Variants in DST observed in about 807,000 individuals in gnomAD.
DST encodes the protein bullous pemphigoid antigen.
Under a neutral mutation model 875.2 loss-of-function variants are expected in DST, and 253 were observed. The observed-to-expected ratio is 0.29, with a 90% confidence interval of 0.26 to 0.32. The LOEUF is 0.32. Among genes scored for constraint, DST ranks in the 10% least tolerant of loss-of-function variants. The pLI, the probability that DST is intolerant of heterozygous loss-of-function variation, is 1.00. For missense variants in DST, 8,287 were observed against 9,111.6 expected, an observed-to-expected ratio of 0.91 and a Z score of 3.68; for synonymous variants, 3,124 against 3,197.1, an observed-to-expected ratio of 0.98 and a Z score of 0.77.
At chr6:56,516,059 TA>T (rs2096579143) in intron 71 of DST, among the ~76,000 whole-genome samples, 1 of 151,738 alleles carries the variant, frequency 6.6e-6, no homozygotes, top group African/African-American at 2.4e-5. Context: ...ATTATATATA[TA>T]CACACACACA....
intron 5 of DST, among the ~76,000 whole-genome samples, chr6:56,708,775 T>C (rs1195530388): frequency 1.3e-5 from 2 of 152,124 alleles, no homozygotes; most frequent in African/African-American, 4.8e-5. Context: ...GGGGTTCCAA[T>C]CTGATCGAGC....
chr6:56,497,133 G>A lies in DST; in HGVS notation c.20223+246C>T, dbSNP rs575058902. On this transcript the variant is annotated intron_variant, in intron 82 of 103. Transcript: ENST00000680361. ...TACATATGTAACTAACCTGCACATT[G>A]TGCACATGTACCCTAAAACTTAAAG... Among the ~76,000 whole-genome samples the A allele has an allele frequency of 3.3e-5, 5 of 151,974 alleles. No homozygotes were observed. In the East Asian group the frequency reaches 9.7e-4, roughly 29 times the overall value.
rs16888007 is a variant in DST at position 56,572,438 on chromosome 6, A to C, written c.13555-172T>G. ...ATAAACATGCATATAGGCTATTTGA[A>C]AGGGAACACAGTAAACCTTATTTAA... On this transcript the variant is annotated intron_variant, in intron 52 of 103. Transcript: ENST00000680361. 0.059 allele frequency among the ~76,000 whole-genome samples: 8,983 copies of C among 152,238 alleles called. 907 individuals are homozygous for C. Among genetic ancestry groups the C allele is most frequent in the African/African-American group, 0.2 (8,429 of 41,502 alleles).
chr6:56,460,226 CGAAG>C lies in DST; in HGVS notation c.23095_23098del (p.Leu7699AspfsTer19). The C allele has an allele frequency of 6.2e-7, 1 of 1,613,934 alleles. No individual in the cohort carries two copies. The highest frequency in any genetic ancestry group is 8.5e-7 in the Non-Finnish European group (1 of 1,179,862). ...TTTCCCTGATAAATATCCTGGAAGT[CGAAG>C]CTTGCTTCCTTGTATTGGCGTTCCC... On this transcript the variant is annotated frameshift_variant, in exon 103 of 104. Coordinates refer to ENST00000680361, the MANE Select transcript of DST (RefSeq NM_001374736.1). LOFTEE classifies it high-confidence loss of function.
At chr6:56,528,476 G>A (rs773166503) in intron 67 of DST, among the ~76,000 whole-genome samples, 1 of 152,142 alleles carries the variant, frequency 6.6e-6, no homozygotes, top group Non-Finnish European at 1.5e-5. Context: ...GCCATACTGT[G>A]TGTCACTGCA....
At chr6:56,789,025 T>A (rs2099710567) in intron 4 of DST, among the ~76,000 whole-genome samples, 1 of 150,782 alleles carries the variant, frequency 6.6e-6, no homozygotes, top group African/African-American at 2.5e-5. Context: ...ATACATATGA[T>A]TAATTGTTAA....
At chr6:56,742,000 T>C (rs1401422116) in intron 4 of DST, among the ~76,000 whole-genome samples, 1 of 152,212 alleles carries the variant, frequency 6.6e-6, no homozygotes, top group Non-Finnish European at 1.5e-5. Flanking sequence ...CTATATTGAC[T>C]GGTTTTCAGT....
chr6:56,912,431 T>C (rs1161733511), intron 2 of DST, among the ~76,000 whole-genome samples: 2 of 152,228 alleles, frequency 1.3e-5, no homozygotes, highest in Non-Finnish European at 2.9e-5. Flanking sequence ...AGAGACCCTA[T>C]TGGATAATAC....
intron 4 of DST, among the ~76,000 whole-genome samples, chr6:56,830,808 A>G (rs961007143): frequency 1.3e-5 from 2 of 152,216 alleles, no homozygotes; most frequent in East Asian, 3.8e-4. Flanking sequence ...GCAATATTCA[A>G]CTGCTGTTTA....
chr6:56,459,264 G>C lies in DST; in HGVS notation c.23198C>G (p.Ser7733Cys). 1 of 1,611,482 alleles carries C rather than the reference G, an allele frequency of 6.2e-7. No individual in the cohort carries two copies. Among genetic ancestry groups the C allele is most frequent in the Non-Finnish European group, 8.5e-7 (1 of 1,178,654 alleles). ...AARVRTQFAD[S>C]KKTPSRPGSR... is the part of the protein sequence containing the mutation. The stretch of plus-strand genomic sequence containing the variant: ...TCCTGGTCGGCTGGGAGTCTTCTTG[G>C]AATCTGAGGAAAGAAGGTAGAGACA... Residue 7733 changes from serine to cysteine, a missense_variant, in exon 104 of 104, where the codon TCC (serine) becomes TGC (cysteine). Physicochemically the swap from Ser to Cys is moderately radical, Grantham distance 112. This residue lies in a region of DST where 240 missense variants were observed against 237.3 expected (regional missense o/e 1.01). Coordinates refer to ENST00000680361, the MANE Select transcript of DST (RefSeq NM_001374736.1).
chr6:56,570,771 G>A (rs1303726000), intron 53 of DST, among the ~76,000 whole-genome samples: 1 of 152,088 alleles, frequency 6.6e-6, no homozygotes, highest in Non-Finnish European at 1.5e-5. Context: ...ATATGTAATG[G>A]CACTCTCTAT....
At chr6:56,789,716 G>A (rs959547894) in intron 4 of DST, among the ~76,000 whole-genome samples, 3 of 152,068 alleles carry the variant, frequency 2.0e-5, no homozygotes, top group African/African-American at 7.2e-5. Flanking sequence ...GTCTTTCTGT[G>A]ACTGGCTTAT....
chr6:56,601,886 A>C, intron 43 of DST: 1 of 477,256 alleles, frequency 2.1e-6, no homozygotes, highest in Non-Finnish European at 3.7e-6. Flanking sequence ...GTATTATATA[A>C]AAAGACAAAT....
At position 56,600,160 on chromosome 6, in the gene DST, G is replaced by C. The variant is rs773818153; in HGVS notation, c.11603C>G (p.Thr3868Ser). Residue 3868 changes from threonine to serine, a missense_variant, in exon 45 of 104, where the codon ACC becomes AGC. This residue lies in a region of DST where 3,138 missense variants were observed against 3,116.6 expected (regional missense o/e 1.01). Coordinates refer to ENST00000680361, the MANE Select transcript of DST (RefSeq NM_001374736.1). Reference protein sequence around the residue: ...EKLQGICDLLTQTENRLIGHQ... With the variant: ...EKLQGICDLLSQTENRLIGHQ... ...ACCAATTAGGCGGTTTTCAGTTTGG[G>C]TAAGAAGATCACATATCCCTTGGAG... 6.2e-7 allele frequency: 1 copy of C among 1,612,916 alleles called. No individual in the cohort carries two copies. The highest frequency in any genetic ancestry group is 2.2e-5 in the East Asian group (1 of 44,854).
At chr6:56,643,329 G>A (rs575036356) in intron 15 of DST, among the ~76,000 whole-genome samples, 5 of 152,204 alleles carry the variant, frequency 3.3e-5, no homozygotes, top group African/African-American at 1.2e-4. Flanking sequence ...AATTTGATGA[G>A]AAGCAAAGTA....
At chr6:56,833,881 C>G (rs895076522) in intron 4 of DST, among the ~76,000 whole-genome samples, 4 of 151,552 alleles carry the variant, frequency 2.6e-5, no homozygotes, top group Non-Finnish European at 5.9e-5. Context: ...GGACTGGTAT[C>G]CAAAATATAC....
In DST at chr6:56,497,840, T is replaced by A; in HGVS notation, c.20094+16A>T. On this transcript the variant is annotated intron_variant, in intron 81 of 103. Coordinates refer to ENST00000680361, the MANE Select transcript of DST (RefSeq NM_001374736.1). ...TGAATGCTATAAAAACTTTCAGAAT[T>A]TATTCTCTTACTCACCTGGCGCAAG... is the stretch of plus-strand genomic sequence containing the variant. The A allele has an allele frequency of 6.3e-7, 1 of 1,575,268 alleles. No homozygotes were observed. Among genetic ancestry groups the A allele is most frequent in the Non-Finnish European group, 8.6e-7 (1 of 1,162,644 alleles).
chr6:56,530,402 TATA>T, intron 64 of DST, among the ~76,000 whole-genome samples: 1 of 152,314 alleles, frequency 6.6e-6, no homozygotes. Flanking sequence ...TAGTTACAGT[TATA>T]ATAATGACAG....
At chr6:56,629,088 C>T (rs1170577963) in intron 32 of DST, among the ~76,000 whole-genome samples, 162 bp downstream of exon 32, 2 of 152,094 alleles carry the variant, frequency 1.3e-5, no homozygotes, top group African/African-American at 4.8e-5. Flanking sequence ...AAATGTCTTA[C>T]TAAAGTCCTC....
Sources: gnomAD v4.1 joint callset for allele counts (sites outside exome capture counted in the v4.1 genomes callset) on GRCh38, gnomAD v4.1.1 for gene constraint, gnomAD v4.1.1 regional missense constraint, MANE v1.5 for transcripts, NCBI Gene and HGNC (gene_info 2026-07-23, HGNC 2026-07-21) for gene names.